Variants in PCDHA5 observed in about 807,000 individuals in gnomAD.
PCDHA5 encodes protocadherin alpha 5.
Under a neutral mutation model 61.6 loss-of-function variants are expected in PCDHA5, and 43 were observed. The observed-to-expected ratio is 0.70, with a 90% CI of 0.55 to 0.90. PCDHA5 has a LOEUF of 0.90. Among genes scored for constraint, PCDHA5 ranks in the 40% least tolerant of loss-of-function variants. The probability of loss-of-function intolerance (pLI) is 0.00; values close to 1 mark genes in which losing one functional copy is unlikely to be tolerated. For synonymous variants in PCDHA5, 627 were observed against 543.9 expected, an observed-to-expected ratio of 1.15 and a Z score of -2.13; for missense variants, 1,298 against 1,222.7, an observed-to-expected ratio of 1.06 and a Z score of -0.92.
intron 3 of PCDHA5, 87 bp downstream of exon 3, chr5:140,982,650 C>T (rs1299219435): frequency 4.6e-6 from 7 of 1,507,000 alleles, no homozygotes; most frequent in Non-Finnish European, 5.3e-6. Flanking sequence ...ATGTTGATGG[C>T]TCTTTTTCTT....
At chr5:140,960,273 C>T (rs1490527862) in intron 1 of PCDHA5, among the ~76,000 whole-genome samples, 1 of 152,148 alleles carries the variant, frequency 6.6e-6, no homozygotes, top group Non-Finnish European at 1.5e-5. Context: ...AATTCCGTCA[C>T]CTTTTTGGGA....
chr5:140,861,492 C>T (rs367687867), intron 1 of PCDHA5: 11 of 487,014 alleles, frequency 2.3e-5, no homozygotes, highest in Middle Eastern at 7.2e-4. Flanking sequence ...TGTGAGTTCT[C>T]TGATAGACCT....
At chr5:140,896,470 C>T (rs1583233416) in intron 1 of PCDHA5, among the ~76,000 whole-genome samples, 2 of 151,962 alleles carry the variant, frequency 1.3e-5, no homozygotes, top group South Asian at 4.2e-4. Context: ...TCAAGCGGTT[C>T]TCCTGCCTCA....
At position 140,824,079 on chromosome 5, in the gene PCDHA5, C is replaced by T. The variant is rs149846106; in HGVS notation, c.2304C>T (p.Leu768=). ...GGGAAGCTCCACCCAAAACAGACCT[C>T]ATGGCCTTCAGTCCAAGCCTTCCTC... is the stretch of plus-strand genomic sequence containing the variant. ...CSGEAPPKTD[L]MAFSPSLPQG... is the part of the protein sequence containing the mutation. The change falls in exon 1 of 4, where the codon CTC becomes CTT. Residue 768 remains leucine, a synonymous_variant. Transcript: ENST00000529859. 4.4e-5 allele frequency: 71 copies of T among 1,614,220 alleles called. No individual in the cohort carries two copies. The South Asian group carries it at 7.6e-4, about 17-fold the overall frequency.
chr5:140,929,201 T>C (rs146014873), intron 1 of PCDHA5: 3 of 1,614,168 alleles, frequency 1.9e-6, no homozygotes, highest in East Asian at 4.5e-5. Flanking sequence ...AACAGTTTGC[T>C]GTTGCGTGGG....
intron 1 of PCDHA5, among the ~76,000 whole-genome samples, chr5:140,888,313 G>C (rs1434881975): frequency 6.6e-6 from 1 of 152,154 alleles, no homozygotes; most frequent in Non-Finnish European, 1.5e-5. Context: ...ATTTGGCAAT[G>C]CCTGGATACA....
intron 1 of PCDHA5, chr5:140,842,708 T>C (rs2150342617): frequency 6.3e-7 from 1 of 1,595,018 alleles, no homozygotes; most frequent in African/African-American, 1.3e-5. Context: ...GTACACGGTG[T>C]TCGTGAAGGA....
intron 1 of PCDHA5, among the ~76,000 whole-genome samples, chr5:140,896,062 C>T (rs781234487): frequency 1.1e-4 from 17 of 152,104 alleles, no homozygotes; most frequent in South Asian, 4.2e-4. Flanking sequence ...CCGCCTGCCT[C>T]GGCCTCCCAA....
intron 1 of PCDHA5, among the ~76,000 whole-genome samples, chr5:140,890,661 A>G (rs1384784805): frequency 6.6e-6 from 1 of 152,198 alleles, no homozygotes; most frequent in Non-Finnish European, 1.5e-5. Flanking sequence ...TCAAAAGTTA[A>G]CTGAAACCCT....
At chr5:140,911,449 C>G (rs1554194734) in intron 1 of PCDHA5, among the ~76,000 whole-genome samples, 1 of 152,116 alleles carries the variant, frequency 6.6e-6, no homozygotes, top group Non-Finnish European at 1.5e-5. Context: ...AATTTCAGCT[C>G]TTTCTCTACA....
chr5:140,920,519 C>T lies in PCDHA5; in HGVS notation c.2353-58430C>T, dbSNP rs555001599. Among the ~76,000 whole-genome samples the T allele has an allele frequency of 2.9e-4, 44 of 152,246 alleles. 2 individuals are homozygous for T. The highest frequency in any genetic ancestry group is 2.8e-4 in the Non-Finnish European group (19 of 68,008). On this transcript the variant is annotated intron_variant, in intron 1 of 3. Coordinates refer to ENST00000529859, the MANE Select transcript of PCDHA5 (RefSeq NM_018908.3). The stretch of plus-strand genomic sequence containing the variant: ...GTTCTACATACTGTTTTATGCAATT[C>T]GTTAGACTCAGGTTTTCTATTTCAC...
intron 1 of PCDHA5, chr5:140,929,108 C>T (rs1255119645): frequency 6.2e-7 from 1 of 1,614,080 alleles, no homozygotes; most frequent in African/African-American, 1.3e-5. Flanking sequence ...TGCATGACAT[C>T]AGCCACCATA....
chr5:140,844,668 T>C lies in PCDHA5; in HGVS notation c.2352+20541T>C, dbSNP rs2150373115. Among the ~76,000 whole-genome samples, 20 of 149,718 alleles carry C rather than the reference T, an allele frequency of 1.3e-4. 1 individual carries two copies. The highest frequency in any genetic ancestry group is 4.9e-4 in the African/African-American group (20 of 40,994). On this transcript the variant is annotated intron_variant, in intron 1 of 3. Transcript: ENST00000529859. ...TCATTCTTGCAAACCAAACATATAA[T>C]TTATAAATCCTTATTATACAGAATA... is the stretch of plus-strand genomic sequence containing the variant.
At chr5:140,976,486 G>T (rs782708902) in intron 1 of PCDHA5, among the ~76,000 whole-genome samples, 1 of 152,078 alleles carries the variant, frequency 6.6e-6, no homozygotes, top group Non-Finnish European at 1.5e-5. Context: ...GGGAGGCAGA[G>T]GTTGCAGGGA....
chr5:140,966,816 G>A lies in PCDHA5; in HGVS notation c.2353-12133G>A, dbSNP rs1448171487. On this transcript the variant is annotated intron_variant, in intron 1 of 3. Transcript: ENST00000529859. ...GCGGCGACAGAGCATCCACGGCTCC[G>A]GCGGCCCATGCCCTGGCTGCTGCTA... 5.2e-6 allele frequency: 8 copies of A among 1,553,302 alleles called. No homozygotes were observed. The East Asian group carries it at 7.2e-5, about 14-fold the overall frequency.
intron 1 of PCDHA5, chr5:140,853,984 T>A: frequency 1.9e-6 from 1 of 534,780 alleles, no homozygotes; most frequent in Non-Finnish European, 2.5e-6. Context: ...ACCAATGTAG[T>A]GAGACTCATC....
chr5:140,977,484 G>A (rs2096763384), intron 1 of PCDHA5, among the ~76,000 whole-genome samples: 1 of 152,220 alleles, frequency 6.6e-6, no homozygotes. Flanking sequence ...TTTATGCTAT[G>A]TTATATGGAA....
At chr5:140,919,262 G>A (rs1482345606) in intron 1 of PCDHA5, among the ~76,000 whole-genome samples, 2 of 152,142 alleles carry the variant, frequency 1.3e-5, no homozygotes, top group African/African-American at 4.8e-5. Context: ...TCTGATATTA[G>A]TGTAGTCACT....
intron 1 of PCDHA5, among the ~76,000 whole-genome samples, chr5:140,941,907 CT>C (rs1379926904): frequency 7.2e-5 from 11 of 152,106 alleles, no homozygotes; most frequent in African/African-American, 2.7e-4. Context: ...CATTGAAATG[CT>C]TTTATGTATA....
Sources: gnomAD v4.1 joint callset for allele counts (sites outside exome capture counted in the v4.1 genomes callset) on GRCh38, gnomAD v4.1.1 for gene constraint, MANE v1.5 for transcripts, NCBI Gene and HGNC (gene_info 2026-07-23, HGNC 2026-07-21) for gene names.